The following CCDC146 variants were observed in gnomAD, a reference collection of about 807,000 sequenced individuals.
CCDC146 encodes coiled-coil domain-containing protein 146.
In CCDC146, 92 loss-of-function variants were observed where a neutral mutation model predicts 119.3. The observed-to-expected ratio is 0.77, with a 90% CI of 0.65 to 0.92. The LOEUF (loss-of-function observed/expected upper bound fraction) is 0.92, where lower values mean the gene tolerates loss of function less well. CCDC146 is among the 40% of genes least tolerant of loss of function. The pLI is 0.00. For synonymous variants in CCDC146, 372 were observed against 371.8 expected, an observed-to-expected ratio of 1.00 and a Z score of -0.01; for missense variants, 1,000 against 1,103.0, an observed-to-expected ratio of 0.91 and a Z score of 1.32.
At chr7:77,146,884 T>A (rs1356301002) in intron 1 of CCDC146, among the ~76,000 whole-genome samples, 4 of 152,194 alleles carry the variant, frequency 2.6e-5, no homozygotes, top group African/African-American at 9.7e-5. Context: ...GACAATTATG[T>A]ATCTTGGAGT....
chr7:77,216,179 T>C (rs2150455593), intron 2 of CCDC146, among the ~76,000 whole-genome samples: 1 of 152,220 alleles, frequency 6.6e-6, no homozygotes, highest in Admixed American at 6.5e-5. Flanking sequence ...TTGTCCCCTC[T>C]TTTTTGTAAT....
At chr7:77,124,196 A>G (rs1233355332) in intron 1 of CCDC146, among the ~76,000 whole-genome samples, 1 of 152,202 alleles carries the variant, frequency 6.6e-6, no homozygotes, top group Non-Finnish European at 1.5e-5. Flanking sequence ...ATGTTGCATA[A>G]TCATTATTTT....
intron 1 of CCDC146, among the ~76,000 whole-genome samples, chr7:77,162,006 T>C (rs1791270345): frequency 6.6e-6 from 1 of 152,132 alleles, no homozygotes; most frequent in Non-Finnish European, 1.5e-5. Flanking sequence ...ATTTGAGTTG[T>C]TGCTATTCAG....
chr7:77,175,072 T>C lies in CCDC146; in HGVS notation c.156+7248T>C, dbSNP rs569131440. On this transcript the variant is annotated intron_variant, in intron 2 of 18. Transcript: ENST00000285871. ...GTTAGGATTTCTACTTCTATCTGTA[T>C]GTGCTTATGTAAAGCAGCACTGATT... 5.0e-4 allele frequency among the ~76,000 whole-genome samples: 75 copies of C among 149,406 alleles called. 1 individual carries two copies. The highest frequency in any genetic ancestry group is 3.6e-4 in the African/African-American group (14 of 39,416).
intron 2 of CCDC146, among the ~76,000 whole-genome samples, chr7:77,168,295 C>T (rs1189289895): frequency 6.6e-6 from 1 of 151,054 alleles, no homozygotes; most frequent in Non-Finnish European, 1.5e-5. Context: ...TATATATTCT[C>T]ATTATGTGAA....
intron 4 of CCDC146, among the ~76,000 whole-genome samples, chr7:77,252,390 C>T (rs1793092908): frequency 6.6e-6 from 1 of 151,980 alleles, no homozygotes; most frequent in Non-Finnish European, 1.5e-5. Context: ...CACAGTAAAA[C>T]TTGAAAATTA....
chr7:77,212,548 G>A (rs1468360334), intron 2 of CCDC146, among the ~76,000 whole-genome samples: 1 of 149,436 alleles, frequency 6.7e-6, no homozygotes, highest in African/African-American at 2.5e-5. Context: ...ATGAACCCAG[G>A]AGGCGGAGCA....
chr7:77,282,514 G>C, intron 14 of CCDC146, 43 bp from the exon 15 acceptor site: 1 of 1,369,378 alleles, frequency 7.3e-7, no homozygotes, highest in Non-Finnish European at 1.0e-6. Flanking sequence ...TAAAACGGTG[G>C]TCTCAATGCC....
At chr7:77,135,479 G>A (rs1057426698) in intron 1 of CCDC146, among the ~76,000 whole-genome samples, 5 of 151,960 alleles carry the variant, frequency 3.3e-5, no homozygotes, top group African/African-American at 4.8e-5. Flanking sequence ...GAAAGAAAGA[G>A]CGAGAGAGAG....
chr7:77,138,042 T>C (rs1388402588), intron 1 of CCDC146, among the ~76,000 whole-genome samples: 1 of 151,858 alleles, frequency 6.6e-6, no homozygotes, highest in Non-Finnish European at 1.5e-5. Context: ...TCTTCCTGGT[T>C]TGCAGACAAC....
At chr7:77,134,632 T>C (rs1790836048) in intron 1 of CCDC146, among the ~76,000 whole-genome samples, 2 of 151,402 alleles carry the variant, frequency 1.3e-5, no homozygotes, top group South Asian at 4.2e-4. Context: ...TATGTCTGCC[T>C]GGGTTTTCTC....
chr7:77,148,416 C>T (rs183267026), intron 1 of CCDC146, among the ~76,000 whole-genome samples: 38 of 152,208 alleles, frequency 2.5e-4, no homozygotes, highest in African/African-American at 8.2e-4. Flanking sequence ...CACCCACTCT[C>T]CTGCCCCCAC....
At chr7:77,246,548 C>T (rs1792955216) in intron 4 of CCDC146, 1 of 152,102 alleles carries the variant, frequency 6.6e-6, no homozygotes, top group Non-Finnish European at 1.5e-5. Context: ...TAATACATAC[C>T]AGGAGGCATA....
chr7:77,260,689 C>T (rs766529159), intron 8 of CCDC146, among the ~76,000 whole-genome samples: 1 of 152,134 alleles, frequency 6.6e-6, no homozygotes, highest in Non-Finnish European at 1.5e-5. Flanking sequence ...TGCAGTGGCA[C>T]GATCTTGGCT....
At chr7:77,239,158 G>T (rs1178111934) in intron 3 of CCDC146, among the ~76,000 whole-genome samples, 1 of 152,180 alleles carries the variant, frequency 6.6e-6, no homozygotes, top group Non-Finnish European at 1.5e-5. Context: ...TGGGTAAGTT[G>T]CGATTTGTGT....
chr7:77,214,891 C>A (rs999125781), intron 2 of CCDC146, among the ~76,000 whole-genome samples: 4 of 152,114 alleles, frequency 2.6e-5, no homozygotes, highest in African/African-American at 9.7e-5. Flanking sequence ...CATGAACTTT[C>A]ATCAGGAGGC....
intron 4 of CCDC146, among the ~76,000 whole-genome samples, chr7:77,245,539 T>C (rs1027639004): frequency 6.6e-6 from 1 of 152,228 alleles, no homozygotes; most frequent in Admixed American, 6.5e-5. Context: ...TCTGTTGCAC[T>C]GTGAACCCGG....
At chr7:77,263,164 C>T (rs964259351) in intron 9 of CCDC146, among the ~76,000 whole-genome samples, 5 of 152,218 alleles carry the variant, frequency 3.3e-5, no homozygotes, top group African/African-American at 1.2e-4. Context: ...CTCCTCTCCT[C>T]CTGGGCACAT....
intron 3 of CCDC146, among the ~76,000 whole-genome samples, chr7:77,238,515 C>T (rs1172690678): frequency 1.3e-5 from 2 of 152,090 alleles, no homozygotes; most frequent in African/African-American, 2.4e-5. Context: ...CTCCCAGGTT[C>T]ACGCCATTCT....
Sources: allele counts gnomAD v4.1 joint callset (sites outside exome capture counted in the v4.1 genomes callset), GRCh38; gene constraint gnomAD v4.1.1; transcripts MANE v1.5; gene names NCBI Gene and HGNC (gene_info 2026-07-23, HGNC 2026-07-21).